FMO2: variants seen among roughly 807,000 people sequenced by gnomAD.
FMO2 encodes the protein flavin containing dimethylaniline monoxygenase 2, also known as flavin-containing monooxygenase 2.
FMO2 carries 33 observed loss-of-function variants against 41.6 expected under a neutral mutation model. The observed-to-expected ratio is 0.79, with a 90% CI of 0.60 to 1.06. The LOEUF is 1.06. Ranked by LOEUF, FMO2 falls within the 50% of genes least tolerant of loss-of-function variation. FMO2 has a pLI of 0.00. For synonymous variants in FMO2, 214 were observed against 219.6 expected, an observed-to-expected ratio of 0.97 and a Z score of 0.23; for missense variants, 619 against 632.9, an observed-to-expected ratio of 0.98 and a Z score of 0.23.
At chr1:171,187,506 GTTTCT>G (rs1164185707) in intron 2 of FMO2, among the ~76,000 whole-genome samples, 2 of 151,272 alleles carry the variant, frequency 1.3e-5, no homozygotes, top group South Asian at 2.1e-4. Context: ...CACCTGGAGG[GTTTCT>G]TTTATTTTCT....
At position 171,195,788 on chromosome 1, in the gene FMO2, G is replaced by A. The variant is rs1329669889; in HGVS notation, c.322-861G>A. Reference sequence around the variant, plus strand: ...TTAAAAATTAACAGACCTCCAGTGAGCTACATTTAAAAAAATCAATGAACC... The same window carrying A: ...TTAAAAATTAACAGACCTCCAGTGAACTACATTTAAAAAAATCAATGAACC... On this transcript the variant is annotated intron_variant, in intron 3 of 8. Transcript: ENST00000209929. 3.1e-5 allele frequency among the ~76,000 whole-genome samples: 4 copies of A among 128,130 alleles called. No homozygotes were observed. In the East Asian group the frequency reaches 1.1e-3, roughly 34 times the overall value. The allele number at this position is 128,130 out of a possible 152,430, so 84.1% of individuals were successfully genotyped here. A position where few individuals can be genotyped will look rare whatever the true frequency, so the allele number is the denominator to read the frequency against.
chr1:171,188,029 A>AT (rs1657924445), intron 2 of FMO2, among the ~76,000 whole-genome samples: 1 of 129,558 alleles, frequency 7.7e-6, no homozygotes, highest in Admixed American at 8.6e-5. Context: ...TTTCAGCTGG[A>AT]ATTTTTTTTT....
chr1:171,190,011 T>C (rs1305669042), intron 2 of FMO2, among the ~76,000 whole-genome samples: 1 of 152,226 alleles, frequency 6.6e-6, no homozygotes, highest in Non-Finnish European at 1.5e-5. Context: ...TAACTGCTTA[T>C]GGTAACTACC....
chr1:171,188,902 T>C (rs1657963889), intron 2 of FMO2: 1 of 152,222 alleles, frequency 6.6e-6, no homozygotes, highest in Non-Finnish European at 1.5e-5. Context: ...ATATTTTTCG[T>C]TCTGTTTCCA....
intron 5 of FMO2, 91 bp downstream of exon 5, chr1:171,199,579 C>T: frequency 1.6e-6 from 2 of 1,263,086 alleles, no homozygotes; most frequent in Non-Finnish European, 2.2e-6. Flanking sequence ...CGGCTCCAAT[C>T]CTCATTAACT....
At chr1:171,207,512 C>T (rs1571294366) in intron 7 of FMO2, 2 of 460,412 alleles carry the variant, frequency 4.3e-6, no homozygotes, top group East Asian at 7.1e-5. Context: ...GCCCTCTCCA[C>T]TTGTAGTCCA....
chr1:171,202,843 A>T lies in FMO2; in HGVS notation c.628-1022A>T, dbSNP rs28369890. On this transcript the variant is annotated intron_variant, in intron 5 of 8. Coordinates refer to ENST00000209929, the MANE Select transcript of FMO2 (RefSeq NM_001460.5). ...ACAAAAACTTATTGCATGGTATGTA[A>T]AAATTTAAGAAGCAGTTCAAGTATG... Among the ~76,000 whole-genome samples the T allele has an allele frequency of 9.2e-3, 1,402 of 152,314 alleles. 20 individuals carry two copies. The highest frequency in any genetic ancestry group is 0.032 in the African/African-American group (1,342 of 41,564).
intron 4 of FMO2, 60 bp from the exon 5 acceptor site, chr1:171,199,286 G>GA (rs762924829): frequency 7.3e-5 from 107 of 1,458,556 alleles, no homozygotes; most frequent in Admixed American, 1.7e-4. Flanking sequence ...CAGTTTTATT[G>GA]AAATTAGCTT....
At chr1:171,199,289 A>G in intron 4 of FMO2, 57 bp from the exon 5 acceptor site, 1 of 1,470,764 alleles carries the variant, frequency 6.8e-7, no homozygotes, top group Non-Finnish European at 9.1e-7. Context: ...TTTTATTGAA[A>G]TTAGCTTGAC....
At chr1:171,197,318 A>G (rs1319913765) in intron 4 of FMO2, among the ~76,000 whole-genome samples, 1 of 152,168 alleles carries the variant, frequency 6.6e-6, no homozygotes. Context: ...TTAGGAAAAT[A>G]TGTAATATAG....
Position 171,203,707 on chromosome 1 carries a change from A to G in FMO2, c.628-158A>G, listed in dbSNP as rs571080360. 6.6e-5 allele frequency among the ~76,000 whole-genome samples: 10 copies of G among 152,296 alleles called. No homozygotes were observed. The South Asian group carries it at 1.5e-3, about 22-fold the overall frequency. On this transcript the variant is annotated intron_variant, in intron 5 of 8. Coordinates refer to ENST00000209929, the MANE Select transcript of FMO2 (RefSeq NM_001460.5). Reference sequence around the variant, plus strand: ...TGCATCAGTGTAAATGCCACTGGGTACCCCTATTTAGGAGGTACTTTACAT... The same window carrying G: ...TGCATCAGTGTAAATGCCACTGGGTGCCCCTATTTAGGAGGTACTTTACAT...
At chr1:171,198,153 T>C (rs1454339901) in intron 4 of FMO2, among the ~76,000 whole-genome samples, 3 of 152,134 alleles carry the variant, frequency 2.0e-5, no homozygotes, top group Admixed American at 1.3e-4. Flanking sequence ...GCAAATACTT[T>C]ATAAAGTCAT....
intron 2 of FMO2, chr1:171,186,246 T>C (rs934189083): frequency 3.2e-5 from 5 of 154,616 alleles, no homozygotes; most frequent in African/African-American, 1.2e-4. Flanking sequence ...TTACTATTTT[T>C]CTCTGACAAA....
In FMO2 at chr1:171,211,836, AT is replaced by A. The variant is rs1488980664; in HGVS notation, c.*2692del. ...GAAGTGAAGATTCCTGAATATAAAC[AT>A]AGTAATAATTCAACCTACTGAATGG... On this transcript the variant is annotated 3_prime_UTR_variant, in exon 9 of 9. Coordinates refer to ENST00000209929, the MANE Select transcript of FMO2 (RefSeq NM_001460.5). Among the ~76,000 whole-genome samples, 1 of 149,902 alleles carries A rather than the reference AT, an allele frequency of 6.7e-6. No individual in the cohort carries two copies. The highest frequency in any genetic ancestry group is 1.5e-5 in the Non-Finnish European group (1 of 68,018).
chr1:171,199,709 G>A (rs1658458122), intron 5 of FMO2, among the ~76,000 whole-genome samples: 1 of 152,118 alleles, frequency 6.6e-6, no homozygotes, highest in Non-Finnish European at 1.5e-5. Flanking sequence ...ACTTCTCTGG[G>A]AGATGGCTCC....
intron 2 of FMO2, among the ~76,000 whole-genome samples, chr1:171,190,473 ATC>A (rs1249660880): frequency 2.0e-5 from 3 of 152,226 alleles, no homozygotes; most frequent in Non-Finnish European, 4.4e-5. Context: ...AGTTAAATTT[ATC>A]TGTTTTGAAA....
chr1:171,187,578 C>A (rs1353234135), intron 2 of FMO2, among the ~76,000 whole-genome samples: 1 of 147,804 alleles, frequency 6.8e-6, no homozygotes, highest in Non-Finnish European at 1.5e-5. Context: ...CCATGCCCAG[C>A]CATGGAGAGT....
rs755150507 is a variant in FMO2, at chr1:171,205,510, T to C, written c.1059T>C (p.Tyr353=). 1.9e-6 allele frequency: 3 copies of C among 1,613,838 alleles called. No individual in the cohort carries two copies. The highest frequency in any genetic ancestry group is 2.5e-6 in the Non-Finnish European group (3 of 1,179,828). ...VKVENNMVSL[Y]KYIFPAHLDK... is the part of the protein sequence containing the mutation. ...TAGAGAATAATATGGTCTCACTGTA[T>C]AAATACATATTCCCCGCTCACCTGG... The change falls in exon 7 of 9, where the codon TAT becomes TAC. Residue 353 remains tyrosine, a synonymous_variant. Transcript: ENST00000209929.
Position 171,193,420 on chromosome 1 carries a change from C to A in FMO2, c.218C>A (p.Pro73Gln). The part of the protein sequence containing the change: ...SKEMSCFSDF[P>Q]MPEDFPNFLH... ...GAAATGTCCTGTTTCAGTGACTTTC[C>A]AATGCCTGAAGATTTTCCAAACTTC... Residue 73 changes from proline to glutamine, a missense_variant, in exon 3 of 9, where the codon CCA (proline) becomes CAA (glutamine). Coordinates refer to ENST00000209929, the MANE Select transcript of FMO2 (RefSeq NM_001460.5). The A allele has an allele frequency of 6.2e-7, 1 of 1,610,706 alleles. No individual in the cohort carries two copies. Among genetic ancestry groups the A allele is most frequent in the Middle Eastern group, 1.7e-4 (1 of 6,056 alleles).
Sources: gnomAD v4.1 joint callset for allele counts (sites outside exome capture counted in the v4.1 genomes callset) on GRCh38, gnomAD v4.1.1 for gene constraint, MANE v1.5 for transcripts, NCBI Gene and HGNC (gene_info 2026-07-23, HGNC 2026-07-21) for gene names.